Variants in NELL1 observed in about 807,000 individuals in gnomAD.
NELL1 encodes neural EGFL like 1.
A neutral mutation model predicts 107.4 loss-of-function variants in NELL1; 76 were observed. The ratio of observed to expected loss-of-function variants is 0.71; its 90% CI spans 0.59 to 0.86. NELL1 has a LOEUF of 0.86. Ranked by LOEUF, NELL1 falls within the 40% of genes least tolerant of loss-of-function variation. NELL1 has a pLI of 0.00. For synonymous variants in NELL1, 353 were observed against 341.2 expected (o/e 1.03, Z -0.38); for missense variants, 1,024 against 1,005.5 (o/e 1.02, Z -0.25).
chr11:20,808,844 G>C (rs561962803), intron 3 of NELL1, among the ~76,000 whole-genome samples: 2 of 152,266 alleles, frequency 1.3e-5, no homozygotes, highest in African/African-American at 2.4e-5. Flanking sequence ...GATTCTTTTT[G>C]CTATGTGGCT....
intron 13 of NELL1, among the ~76,000 whole-genome samples, chr11:21,220,415 C>G (rs79827016): frequency 0.019 from 2,838 of 152,132 alleles, 95 homozygotes; most frequent in African/African-American, 0.065. Flanking sequence ...ATATTGATAT[C>G]AACATGTCAT....
intron 14 of NELL1, among the ~76,000 whole-genome samples, chr11:21,324,224 A>C (rs1191967575): frequency 6.6e-6 from 1 of 152,068 alleles, no homozygotes; most frequent in Non-Finnish European, 1.5e-5. Flanking sequence ...AAGCTCAAGA[A>C]ATTTTTTTCC....
intron 14 of NELL1, among the ~76,000 whole-genome samples, chr11:21,360,098 C>T (rs1274376491): frequency 6.6e-6 from 1 of 152,006 alleles, no homozygotes; most frequent in Non-Finnish European, 1.5e-5. Flanking sequence ...TATTTGTGCT[C>T]TTTCAGACTT....
chr11:21,255,232 T>A (rs2133915559), intron 14 of NELL1, among the ~76,000 whole-genome samples: 1 of 152,232 alleles, frequency 6.6e-6, no homozygotes, highest in South Asian at 2.1e-4. Context: ...GAAGCTGAAC[T>A]TCTGAATCTG....
chr11:20,859,100 C>T (rs1224309079), intron 4 of NELL1, among the ~76,000 whole-genome samples: 1 of 152,202 alleles, frequency 6.6e-6, no homozygotes, highest in Admixed American at 6.5e-5. Flanking sequence ...GGACTAGGCC[C>T]ACACCTACAC....
intron 15 of NELL1, among the ~76,000 whole-genome samples, chr11:21,373,785 G>A (rs528321614): frequency 3.3e-5 from 5 of 152,146 alleles, no homozygotes; most frequent in South Asian, 2.1e-4. Flanking sequence ...TCTAAACAAC[G>A]TATAATTCTA....
At chr11:21,178,755 A>G (rs980795471) in intron 13 of NELL1, among the ~76,000 whole-genome samples, 1 of 143,324 alleles carries the variant, frequency 7.0e-6, no homozygotes, top group African/African-American at 2.7e-5. Context: ...CAGAGTGAGA[A>G]CTTGTCTTAA....
chr11:21,277,512 C>T (rs1389824202), intron 14 of NELL1, among the ~76,000 whole-genome samples: 1 of 151,840 alleles, frequency 6.6e-6, no homozygotes, highest in African/African-American at 2.4e-5. Flanking sequence ...GGATCTAGAA[C>T]TAGAAATACC....
intron 2 of NELL1, among the ~76,000 whole-genome samples, chr11:20,700,559 G>A (rs1048683157): frequency 6.6e-6 from 1 of 151,958 alleles, no homozygotes; most frequent in African/African-American, 2.4e-5. Context: ...TGCACAACAT[G>A]CAGGTTTGTT....
intron 13 of NELL1, among the ~76,000 whole-genome samples, chr11:21,215,922 T>C (rs2133865862): frequency 6.6e-6 from 1 of 152,270 alleles, no homozygotes; most frequent in South Asian, 2.1e-4. Context: ...GGCTGAGTGT[T>C]AATCACCAAG....
At chr11:21,104,302 T>A (rs1343121563) in intron 12 of NELL1, among the ~76,000 whole-genome samples, 1 of 152,138 alleles carries the variant, frequency 6.6e-6, no homozygotes, top group Non-Finnish European at 1.5e-5. Context: ...ATGGACACCC[T>A]CAAAAGTCAG....
At chr11:20,771,538 T>G (rs942186127) in intron 2 of NELL1, among the ~76,000 whole-genome samples, 6 of 152,216 alleles carry the variant, frequency 3.9e-5, no homozygotes, top group African/African-American at 1.4e-4. Flanking sequence ...TTAAAAGCAC[T>G]TTCTAGTCTG....
chr11:20,973,604 G>A (rs1851545786), intron 12 of NELL1, among the ~76,000 whole-genome samples: 1 of 152,172 alleles, frequency 6.6e-6, no homozygotes. Flanking sequence ...TCTTCCCACT[G>A]ACATTTGGCA....
chr11:21,518,287 T>G (rs2133952489), intron 15 of NELL1, among the ~76,000 whole-genome samples: 1 of 152,302 alleles, frequency 6.6e-6, no homozygotes, highest in South Asian at 2.1e-4. Flanking sequence ...AGAATTTTTC[T>G]CTGGGTGTAA....
At chr11:21,489,762 AC>A (rs1325726502) in intron 15 of NELL1, among the ~76,000 whole-genome samples, 1 of 152,038 alleles carries the variant, frequency 6.6e-6, no homozygotes, top group African/African-American at 2.4e-5. Flanking sequence ...TGTGATAAAA[AC>A]TCTCAACATC....
chr11:21,445,305 TTTGTTC>T (rs762048387), intron 15 of NELL1, among the ~76,000 whole-genome samples: 10 of 151,484 alleles, frequency 6.6e-5, no homozygotes, highest in Admixed American at 1.3e-4. Flanking sequence ...GTTTTTTGTT[TTTGTTC>T]TTGTTTTTGT....
At chr11:21,288,773 G>A (rs986156432) in intron 14 of NELL1, among the ~76,000 whole-genome samples, 5 of 152,166 alleles carry the variant, frequency 3.3e-5, no homozygotes, top group African/African-American at 1.2e-4. Flanking sequence ...GATTAGTCGG[G>A]GGGTTCTTCT....
At position 21,301,449 on chromosome 11, in the gene NELL1, CAATGG is replaced by C. The variant is rs541024510; in HGVS notation, c.1550-69403_1550-69399del. Among the ~76,000 whole-genome samples the C allele has an allele frequency of 3.4e-3, 520 of 152,148 alleles. 1 individual carries two copies. Among genetic ancestry groups the C allele is most frequent in the Non-Finnish European group, 5.8e-3 (391 of 67,964 alleles). Reference sequence around the variant, plus strand: ...AATGATCGCCATTCTAACTGGCATGCAATGGTATCTCATTGTGGTTTTCATTTTCA... The same window carrying C: ...AATGATCGCCATTCTAACTGGCATGCTATCTCATTGTGGTTTTCATTTTCA... On this transcript the variant is annotated intron_variant, in intron 14 of 19. Coordinates refer to ENST00000357134, the MANE Select transcript of NELL1 (RefSeq NM_006157.5).
intron 15 of NELL1, among the ~76,000 whole-genome samples, chr11:21,527,208 G>A (rs901854066): frequency 6.6e-6 from 1 of 152,024 alleles, no homozygotes; most frequent in Non-Finnish European, 1.5e-5. Flanking sequence ...CTTTAATCCA[G>A]TTCCCAAAAG....
Sources: gnomAD v4.1 joint callset for allele counts (sites outside exome capture counted in the v4.1 genomes callset) on GRCh38, gnomAD v4.1.1 for gene constraint, MANE v1.5 for transcripts, NCBI Gene and HGNC (gene_info 2026-07-23, HGNC 2026-07-21) for gene names.